The following TRAPPC8 variants were observed in gnomAD, a reference collection of about 807,000 sequenced individuals.
TRAPPC8 encodes trafficking protein particle complex subunit 8, also known as general sporulation gene 1 homolog.
TRAPPC8 carries 54 observed loss-of-function variants against 174.3 expected under a neutral mutation model. That is an observed-to-expected ratio of 0.31 (90% CI 0.25 to 0.39). TRAPPC8 has a LOEUF of 0.39. TRAPPC8 is among the 10% of genes least tolerant of loss of function. The pLI is 1.00. For missense variants in TRAPPC8, 1,531 were observed against 1,699.1 expected, an observed-to-expected ratio of 0.90 and a Z score of 1.74; for synonymous variants, 630 against 579.9, an observed-to-expected ratio of 1.09 and a Z score of -1.24.
In TRAPPC8 at chr18:31,848,482, A is replaced by G. The variant is rs192076427; in HGVS notation, c.3735+1084T>C. ...TAATATGATTCTAAAGTTCGGAAGA[A>G]TTTGATTTCGCCAATAATGTATAAC... is the stretch of plus-strand genomic sequence containing the variant. On this transcript the variant is annotated intron_variant, in intron 25 of 28. Coordinates refer to ENST00000283351, the MANE Select transcript of TRAPPC8 (RefSeq NM_014939.5). 1.1e-3 allele frequency among the ~76,000 whole-genome samples: 173 copies of G among 152,302 alleles called. 1 individual carries two copies. Among genetic ancestry groups the G allele is most frequent in the African/African-American group, 4.1e-3 (169 of 41,580 alleles).
Position 31,856,081 on chromosome 18 carries a change from G to A in TRAPPC8, c.3189-274C>T, listed in dbSNP as rs111337577. ...TAACACATAAAAATAATCTTCATATGGTAATGTTCTGATTGTGCTTCTTTC... is the reference window on the plus strand; with the variant it reads ...TAACACATAAAAATAATCTTCATATAGTAATGTTCTGATTGTGCTTCTTTC... On this transcript the variant is annotated intron_variant, in intron 20 of 28. Coordinates refer to ENST00000283351, the MANE Select transcript of TRAPPC8 (RefSeq NM_014939.5). Among the ~76,000 whole-genome samples the A allele has an allele frequency of 6.9e-3, 1,052 of 151,872 alleles. 9 individuals carry two copies. Among genetic ancestry groups the A allele is most frequent in the African/African-American group, 0.024 (998 of 41,436 alleles).
intron 10 of TRAPPC8, among the ~76,000 whole-genome samples, chr18:31,899,211 C>T (rs1174137918): frequency 6.6e-6 from 1 of 152,144 alleles, no homozygotes; most frequent in Non-Finnish European, 1.5e-5. Flanking sequence ...TAAATCTTAA[C>T]ACTTATTTTA....
At chr18:31,914,163 G>GA (rs112939220) in intron 4 of TRAPPC8, among the ~76,000 whole-genome samples, 4,599 of 107,370 alleles carry the variant, frequency 0.043, 250 homozygotes, top group African/African-American at 0.14. Context: ...GGAAAAACAA[G>GA]AAAAAAAAAA....
intron 14 of TRAPPC8, among the ~76,000 whole-genome samples, chr18:31,872,896 T>A (rs1471654001): frequency 6.6e-6 from 1 of 152,140 alleles, no homozygotes; most frequent in Non-Finnish European, 1.5e-5. Context: ...TTACAACTGT[T>A]TTGTTTTCAT....
intron 25 of TRAPPC8, among the ~76,000 whole-genome samples, chr18:31,848,349 GTACAGAA>G (rs2033519091): frequency 6.6e-6 from 1 of 152,126 alleles, no homozygotes; most frequent in South Asian, 2.1e-4. Flanking sequence ...TTAACAATGA[GTACAGAA>G]TACATTACAC....
chr18:31,927,688 C>G (rs568195789), intron 2 of TRAPPC8, among the ~76,000 whole-genome samples: 1 of 152,176 alleles, frequency 6.6e-6, no homozygotes, highest in Non-Finnish European at 1.5e-5. Context: ...GAGGCCTGAG[C>G]GACTATGCCT....
At chr18:31,894,185 G>A (rs934523071) in intron 11 of TRAPPC8, among the ~76,000 whole-genome samples, 26 of 152,160 alleles carry the variant, frequency 1.7e-4, no homozygotes, top group African/African-American at 4.6e-4. Context: ...TTCTAGAGCT[G>A]AATACCATGT....
intron 2 of TRAPPC8, among the ~76,000 whole-genome samples, chr18:31,927,026 T>C (rs887700758): frequency 1.3e-5 from 2 of 152,180 alleles, no homozygotes; most frequent in Non-Finnish European, 1.5e-5. Context: ...ACTACAGAAA[T>C]TGGTGGGGCA....
At chr18:31,887,026 T>C (rs894579774) in intron 12 of TRAPPC8, among the ~76,000 whole-genome samples, 11 of 152,140 alleles carry the variant, frequency 7.2e-5, no homozygotes, top group Admixed American at 5.9e-4. Context: ...AATAGAGGAC[T>C]AAGAGAAACG....
At chr18:31,874,850 T>C (rs1288571780) in intron 12 of TRAPPC8, 146 bp from the exon 13 acceptor site, 8 of 666,358 alleles carry the variant, frequency 1.2e-5, no homozygotes, top group African/African-American at 3.6e-5. Context: ...AAAACTAACA[T>C]TTATGATAAT....
In TRAPPC8 at chr18:31,942,790, C is replaced by A. The variant is rs758378210; in HGVS notation, c.-26G>T. On this transcript the variant is annotated 5_prime_UTR_variant, in exon 1 of 29. Coordinates refer to ENST00000283351, the MANE Select transcript of TRAPPC8 (RefSeq NM_014939.5). The stretch of plus-strand genomic sequence containing the variant: ...CGCCGCAGCACAGGCAGCGGCGGCG[C>A]CCGCCCTCCGGCCCACCCTGCGAGG... The A allele has an allele frequency of 3.6e-6, 5 of 1,379,924 alleles. No homozygotes were observed. The highest frequency in any genetic ancestry group is 6.3e-5 in the Admixed American group (2 of 31,868). 85.5% of individuals were successfully genotyped at this position (1,379,924 alleles called of 1,614,324 possible).
At chr18:31,861,300 C>T (rs1452327466) in intron 19 of TRAPPC8, among the ~76,000 whole-genome samples, 5 of 152,144 alleles carry the variant, frequency 3.3e-5, no homozygotes, top group Admixed American at 2.6e-4. Flanking sequence ...ATACCCTCTT[C>T]AAGAACTGCC....
At chr18:31,831,180 C>A (rs2032345352) in intron 28 of TRAPPC8, among the ~76,000 whole-genome samples, 191 bp from the exon 29 acceptor site, 2 of 151,950 alleles carry the variant, frequency 1.3e-5, no homozygotes, top group African/African-American at 4.8e-5. Flanking sequence ...AATGAAGCCC[C>A]GTCTCTACTA....
chr18:31,891,697 A>G (rs1484099971), intron 11 of TRAPPC8, among the ~76,000 whole-genome samples: 1 of 152,226 alleles, frequency 6.6e-6, no homozygotes, highest in Non-Finnish European at 1.5e-5. Context: ...AGCTGAACTT[A>G]CCATGCCCTT....
chr18:31,900,485 T>C (rs1214196154), intron 10 of TRAPPC8, among the ~76,000 whole-genome samples: 1 of 152,130 alleles, frequency 6.6e-6, no homozygotes, highest in Non-Finnish European at 1.5e-5. Context: ...CCATCAAATA[T>C]CCCATGAAAT....
intron 12 of TRAPPC8, among the ~76,000 whole-genome samples, chr18:31,885,481 C>T (rs899649835): frequency 2.2e-4 from 33 of 152,060 alleles, no homozygotes; most frequent in Middle Eastern, 3.2e-3. Context: ...GAGGATTACA[C>T]AGTAGCTCTG....
chr18:31,932,112 G>A (rs569231543), intron 1 of TRAPPC8, among the ~76,000 whole-genome samples: 2 of 151,834 alleles, frequency 1.3e-5, no homozygotes, highest in African/African-American at 2.4e-5. Context: ...TCTAAAACTG[G>A]TCTTAAAAAT....
At chr18:31,920,079 TAAG>T (rs1217162506) in intron 2 of TRAPPC8, among the ~76,000 whole-genome samples, 1 of 151,998 alleles carries the variant, frequency 6.6e-6, no homozygotes, top group Non-Finnish European at 1.5e-5. Context: ...GATAAGAAAA[TAAG>T]AAATACATAA....
Position 31,891,045 on chromosome 18 carries a change from C to A in TRAPPC8, c.1597-179G>T, listed in dbSNP as rs541258025. On this transcript the variant is annotated intron_variant, in intron 11 of 28. Transcript: ENST00000283351. ...TGATTTTTCCAATAAACACAAAATTCTTTTAAGCTTTGAAAACATCTTCTA... is the reference window on the plus strand; with the variant it reads ...TGATTTTTCCAATAAACACAAAATTATTTTAAGCTTTGAAAACATCTTCTA... 1.0e-5 allele frequency: 4 copies of A among 387,722 alleles called. No homozygotes were observed. In the Admixed American group the frequency reaches 1.9e-4, roughly 18 times the overall value. The allele number at this position is 387,722 out of a possible 1,614,324, so 24.0% of individuals were successfully genotyped here. A position where few individuals can be genotyped will look rare whatever the true frequency, so the allele number is the denominator to read the frequency against.
Sources: allele counts gnomAD v4.1 joint callset (sites outside exome capture counted in the v4.1 genomes callset), GRCh38; gene constraint gnomAD v4.1.1; transcripts MANE v1.5; gene names NCBI Gene and HGNC (gene_info 2026-07-23, HGNC 2026-07-21).